Variants in MAP4K3 observed in about 807,000 individuals in gnomAD.
MAP4K3 encodes MAPK/ERK kinase kinase kinase 3.
A neutral mutation model predicts 143.5 loss-of-function variants in MAP4K3; 94 were observed. The ratio of observed to expected loss-of-function variants is 0.65; its 90% CI spans 0.55 to 0.78. MAP4K3 has a LOEUF of 0.78. MAP4K3 is among the 30% of genes least tolerant of loss of function. The probability of loss-of-function intolerance (pLI) is 0.00; values close to 1 mark genes in which losing one functional copy is unlikely to be tolerated. For synonymous variants in MAP4K3, 416 were observed against 347.2 expected (o/e 1.20, Z -2.20); for missense variants, 1,077 against 1,068.1 (o/e 1.01, Z -0.12).
At chr2:39,297,573 C>T (rs929264361) in intron 16 of MAP4K3, among the ~76,000 whole-genome samples, 1 of 152,230 alleles carries the variant, frequency 6.6e-6, no homozygotes, top group Non-Finnish European at 1.5e-5. Flanking sequence ...CCTATGTTAA[C>T]AATTATAATT....
intron 29 of MAP4K3, among the ~76,000 whole-genome samples, 161 bp downstream of exon 29, chr2:39,260,445 T>C (rs1355871522): frequency 6.6e-6 from 1 of 152,182 alleles, no homozygotes; most frequent in Non-Finnish European, 1.5e-5. Context: ...TCATATGAAT[T>C]AGCTATTTTA....
chr2:39,408,210 C>G (rs1226618158), intron 1 of MAP4K3, among the ~76,000 whole-genome samples: 1 of 152,188 alleles, frequency 6.6e-6, no homozygotes, highest in East Asian at 1.9e-4. Context: ...TCTGTAAAGT[C>G]AGGAAGTACC....
chr2:39,384,923 A>T (rs1291771719), intron 1 of MAP4K3, among the ~76,000 whole-genome samples: 1 of 152,084 alleles, frequency 6.6e-6, no homozygotes, highest in Non-Finnish European at 1.5e-5. Flanking sequence ...TCCTCCCTAA[A>T]CCCTGGAAAC....
intron 3 of MAP4K3, among the ~76,000 whole-genome samples, chr2:39,354,429 T>C (rs1029506360): frequency 1.3e-5 from 2 of 151,892 alleles, no homozygotes; most frequent in African/African-American, 4.8e-5. Context: ...GGTGACAGAC[T>C]GAGATTCCAT....
chr2:39,353,472 A>G (rs766415629), intron 3 of MAP4K3, among the ~76,000 whole-genome samples: 1 of 152,232 alleles, frequency 6.6e-6, no homozygotes, highest in Non-Finnish European at 1.5e-5. Flanking sequence ...ATTAGATTGT[A>G]CAACACTAAA....
At chr2:39,431,264 GGTGGA>G (rs1002838557) in intron 1 of MAP4K3, among the ~76,000 whole-genome samples, 17 of 152,186 alleles carry the variant, frequency 1.1e-4, no homozygotes, top group African/African-American at 4.1e-4. Context: ...GAGTATTCCA[GGTGGA>G]GACAGGGAGC....
At chr2:39,285,689 T>C (rs1023853592) in intron 21 of MAP4K3, among the ~76,000 whole-genome samples, 3 of 152,188 alleles carry the variant, frequency 2.0e-5, no homozygotes, top group South Asian at 2.1e-4. Flanking sequence ...GCAGAAACCA[T>C]AGCATACTGA....
intron 24 of MAP4K3, among the ~76,000 whole-genome samples, chr2:39,273,608 A>G (rs1455077953): frequency 6.6e-6 from 1 of 152,236 alleles, no homozygotes; most frequent in African/African-American, 2.4e-5. Context: ...TAATAATGGG[A>G]CTGAATAACT....
At chr2:39,322,026 ATTTC>A (rs926601274) in intron 12 of MAP4K3, among the ~76,000 whole-genome samples, 14 of 125,822 alleles carry the variant, frequency 1.1e-4, no homozygotes, top group Non-Finnish European at 1.8e-4. Flanking sequence ...GGGTCCCCTT[ATTTC>A]TTTCTCTATA....
intron 1 of MAP4K3, among the ~76,000 whole-genome samples, chr2:39,430,802 T>C (rs953004858): frequency 1.3e-5 from 2 of 152,166 alleles, no homozygotes; most frequent in African/African-American, 4.8e-5. Context: ...TAAGACCTAA[T>C]AATAACCCAT....
chr2:39,409,939 C>G (rs1377600529), intron 1 of MAP4K3, among the ~76,000 whole-genome samples: 1 of 152,108 alleles, frequency 6.6e-6, no homozygotes, highest in Non-Finnish European at 1.5e-5. Flanking sequence ...AGTGCTAATT[C>G]CAATGATGGA....
At chr2:39,422,534 T>C (rs1304902831) in intron 1 of MAP4K3, among the ~76,000 whole-genome samples, 1 of 152,158 alleles carries the variant, frequency 6.6e-6, no homozygotes, top group Non-Finnish European at 1.5e-5. Context: ...ATTTCCACTG[T>C]ATAAGCCACC....
intron 28 of MAP4K3, among the ~76,000 whole-genome samples, chr2:39,261,615 C>T (rs1381984526): frequency 6.6e-6 from 1 of 152,062 alleles, no homozygotes. Flanking sequence ...TAGGACCTTG[C>T]AATAATACTC....
chr2:39,407,250 A>C (rs952675092), intron 1 of MAP4K3, among the ~76,000 whole-genome samples: 1 of 152,166 alleles, frequency 6.6e-6, no homozygotes, highest in Non-Finnish European at 1.5e-5. Flanking sequence ...AAAGACCTAA[A>C]GCTAACATCA....
chr2:39,337,253 A>AT (rs1257460425), intron 5 of MAP4K3, among the ~76,000 whole-genome samples: 2 of 152,150 alleles, frequency 1.3e-5, no homozygotes, highest in African/African-American at 4.8e-5. Flanking sequence ...ATAGTGCTTA[A>AT]TTTTCAAGCC....
chr2:39,311,791 A>G (rs1682946076), intron 13 of MAP4K3, among the ~76,000 whole-genome samples: 1 of 152,200 alleles, frequency 6.6e-6, no homozygotes, highest in Non-Finnish European at 1.5e-5. Flanking sequence ...AGCCAGAATC[A>G]CTCAGCTAAC....
chr2:39,282,304 C>A (rs1212956230), intron 22 of MAP4K3, among the ~76,000 whole-genome samples: 3 of 152,098 alleles, frequency 2.0e-5, no homozygotes, highest in Non-Finnish European at 2.9e-5. Context: ...TCGAGACCAG[C>A]CTGGCCAACA....
chr2:39,432,869 C>A (rs752100590), intron 1 of MAP4K3, among the ~76,000 whole-genome samples: 2 of 152,138 alleles, frequency 1.3e-5, no homozygotes, highest in Non-Finnish European at 2.9e-5. Flanking sequence ...CTTAACAACA[C>A]GGCAGCCCGT....
Position 39,250,561 on chromosome 2 carries a change from AT to A in MAP4K3, c.*56del. 1 of 1,460,628 alleles carries A rather than the reference AT, an allele frequency of 6.8e-7. No homozygotes were observed. Among genetic ancestry groups the A allele is most frequent in the Non-Finnish European group, 9.6e-7 (1 of 1,045,148 alleles). The allele number at this position is 1,460,628 out of a possible 1,614,324, so 90.5% of individuals were successfully genotyped here. ...TTTGTACAGCTTCAAGCATCCATTA[AT>A]GTTGCAGTGGTAGTGTTCTTTCTTT... On this transcript the variant is annotated 3_prime_UTR_variant, in exon 34 of 34. Transcript: ENST00000263881.
Sources: gnomAD v4.1 joint callset for allele counts (sites outside exome capture counted in the v4.1 genomes callset) on GRCh38, gnomAD v4.1.1 for gene constraint, MANE v1.5 for transcripts, NCBI Gene and HGNC (gene_info 2026-07-23, HGNC 2026-07-21) for gene names.